The following FMN1 variants were observed in gnomAD, a reference collection of about 807,000 sequenced individuals.
FMN1 encodes formin-1.
In FMN1, 110 loss-of-function variants were observed where a neutral mutation model predicts 132.4. The ratio of observed to expected loss-of-function variants is 0.83; its 90% confidence interval spans 0.71 to 0.97. The LOEUF (loss-of-function observed/expected upper bound fraction) is 0.97, where lower values mean the gene tolerates loss of function less well. Ranked by LOEUF, FMN1 falls within the 50% of genes least tolerant of loss-of-function variation. The pLI is 0.00. For missense variants in FMN1, 1,792 were observed against 1,705.3 expected (o/e 1.05, Z -0.90); for synonymous variants, 722 against 651.7 (o/e 1.11, Z -1.64).
At position 33,037,731 on chromosome 15, in the gene FMN1, T is replaced by C. The variant is rs74798678; in HGVS notation, c.2161+27226A>G. Among the ~76,000 whole-genome samples, 273 of 152,340 alleles carry C rather than the reference T, an allele frequency of 1.8e-3. 2 individuals carry two copies. Among genetic ancestry groups the C allele is most frequent in the African/African-American group, 6.2e-3 (256 of 41,594 alleles). ...ATTCCAGGAATCTACATTTTTAACA[T>C]TGTCACAGGTGATTCGGATACAGTA... On this transcript the variant is annotated intron_variant, in intron 6 of 20. Transcript: ENST00000616417.
At chr15:32,937,747 G>A (rs1170068138) in intron 9 of FMN1, among the ~76,000 whole-genome samples, 2 of 152,208 alleles carry the variant, frequency 1.3e-5, no homozygotes, top group Non-Finnish European at 2.9e-5. Context: ...AAGGGGGCTG[G>A]CCTCTCCTTC....
intron 8 of FMN1, among the ~76,000 whole-genome samples, chr15:32,968,282 A>G (rs771463584): frequency 2.0e-5 from 3 of 152,238 alleles, no homozygotes; most frequent in Non-Finnish European, 1.5e-5. Context: ...TCTGTTAAAT[A>G]TCTAGATTAT....
At position 32,771,338 on chromosome 15, in the gene FMN1, C is replaced by T. The variant is rs1382622835; in HGVS notation, c.*2972G>A. The stretch of plus-strand genomic sequence containing the variant: ...CGTGATCCGCCCCCGCTTGGCCTCC[C>T]AAAGTGCTGGGATTATAGGCATGAG... On this transcript the variant is annotated 3_prime_UTR_variant, in exon 21 of 21. Transcript: ENST00000616417. 5.3e-5 allele frequency: 8 copies of T among 151,556 alleles called. No individual in the cohort carries two copies. Among genetic ancestry groups the T allele is most frequent in the Admixed American group, 3.9e-4 (6 of 15,228 alleles). The allele number at this position is 151,556 out of a possible 1,614,324, so 9.4% of individuals were successfully genotyped here. A position where few individuals can be genotyped will look rare whatever the true frequency, so the allele number is the denominator to read the frequency against.
chr15:33,064,686 T>C (rs2037636611), intron 6 of FMN1: 2 of 244,534 alleles, frequency 8.2e-6, no homozygotes, highest in East Asian at 8.9e-5. Flanking sequence ...GGATTTGCAA[T>C]CTACCTTCTC....
intron 9 of FMN1, among the ~76,000 whole-genome samples, chr15:32,930,373 A>AC (rs751639927): frequency 4.1e-4 from 62 of 151,224 alleles, no homozygotes; most frequent in Non-Finnish European, 8.7e-4. Flanking sequence ...CAAAGGTCCC[A>AC]CTTTGTCTAC....
chr15:33,088,229 T>A (rs537809835), intron 5 of FMN1, among the ~76,000 whole-genome samples: 9 of 151,832 alleles, frequency 5.9e-5, no homozygotes, highest in South Asian at 2.1e-4. Flanking sequence ...TTAAAAAATT[T>A]AAAAAAAACT....
chr15:33,059,749 A>C (rs2037399090), intron 6 of FMN1, among the ~76,000 whole-genome samples: 1 of 152,242 alleles, frequency 6.6e-6, no homozygotes, highest in Admixed American at 6.5e-5. Context: ...GAGTAAGTTA[A>C]ACTAAATGAC....
intron 4 of FMN1, chr15:33,105,712 C>T (rs1465318324): frequency 6.6e-6 from 1 of 151,970 alleles, no homozygotes; most frequent in East Asian, 1.9e-4. Context: ...TCTACTTTTC[C>T]TTTTCTTCAC....
intron 12 of FMN1, among the ~76,000 whole-genome samples, chr15:32,905,488 C>A (rs77835804): frequency 0.064 from 9,750 of 152,230 alleles, 455 homozygotes; most frequent in Middle Eastern, 0.15. Flanking sequence ...CTAATCAAAC[C>A]CAGTAGAGCC....
chr15:33,037,495 G>C (rs938114407), intron 6 of FMN1, among the ~76,000 whole-genome samples: 1 of 152,176 alleles, frequency 6.6e-6, no homozygotes, highest in Admixed American at 6.5e-5. Context: ...GTTGGAGCAG[G>C]CTCATATATG....
intron 10 of FMN1, among the ~76,000 whole-genome samples, chr15:32,916,588 C>T (rs186034277): frequency 9.9e-5 from 15 of 152,252 alleles, no homozygotes; most frequent in African/African-American, 2.4e-4. Context: ...TTTCGGCTGA[C>T]GGTGGTTTTG....
At chr15:33,116,265 T>C (rs1200979169) in intron 4 of FMN1, among the ~76,000 whole-genome samples, 4 of 152,182 alleles carry the variant, frequency 2.6e-5, no homozygotes, top group Non-Finnish European at 5.9e-5. Context: ...TTATACCTGT[T>C]TATAAAACTC....
Position 32,767,537 on chromosome 15 carries a change from A to G in FMN1, c.*6773T>C, listed in dbSNP as rs1385375567. 2.6e-5 allele frequency: 4 copies of G among 152,228 alleles called. No individual in the cohort carries two copies. The highest frequency in any genetic ancestry group is 4.4e-5 in the Non-Finnish European group (3 of 68,038). The allele number at this position is 152,228 out of a possible 1,614,324, so 9.4% of individuals were successfully genotyped here. A position where few individuals can be genotyped will look rare whatever the true frequency, so the allele number is the denominator to read the frequency against. On this transcript the variant is annotated 3_prime_UTR_variant, in exon 21 of 21. Transcript: ENST00000616417. ...TAAATGAAAACTCAATGAAAGAAAA[A>G]GACTATGATAAACCAATGTTTTCTC...
chr15:32,953,987 T>C (rs1045862497), intron 9 of FMN1, among the ~76,000 whole-genome samples: 1 of 152,214 alleles, frequency 6.6e-6, no homozygotes, highest in Non-Finnish European at 1.5e-5. Flanking sequence ...AGATTTTGCA[T>C]CTGGAAAGCA....
chr15:32,959,086 T>A (rs939052777), intron 9 of FMN1, among the ~76,000 whole-genome samples: 1 of 151,242 alleles, frequency 6.6e-6, no homozygotes, highest in African/African-American at 2.4e-5. Flanking sequence ...CACGTTTCAA[T>A]GCTGGCTGAA....
intron 4 of FMN1, among the ~76,000 whole-genome samples, chr15:33,098,179 A>G (rs2039158328): frequency 6.6e-6 from 1 of 152,236 alleles, no homozygotes; most frequent in African/African-American, 2.4e-5. Flanking sequence ...CACAAAGGAA[A>G]TTAGAAAATA....
intron 17 of FMN1, among the ~76,000 whole-genome samples, chr15:32,823,889 C>G (rs1326218933): frequency 1.3e-5 from 2 of 152,200 alleles, no homozygotes. Context: ...TGCGAACTCA[C>G]AAGGTGGAAG....
At chr15:32,795,362 T>A (rs1278174330) in intron 19 of FMN1, among the ~76,000 whole-genome samples, 2 of 152,110 alleles carry the variant, frequency 1.3e-5, no homozygotes, top group Non-Finnish European at 2.9e-5. Context: ...TCCAATATAG[T>A]ACCTATAGCT....
chr15:33,150,347 C>A, intron 4 of FMN1: 1 of 985,446 alleles, frequency 1.0e-6, no homozygotes, highest in South Asian at 4.7e-5. Context: ...TCTCCACCCG[C>A]CAAATAAAAT....
Sources: gnomAD v4.1 joint callset for allele counts (sites outside exome capture counted in the v4.1 genomes callset) on GRCh38, gnomAD v4.1.1 for gene constraint, MANE v1.5 for transcripts, NCBI Gene and HGNC (gene_info 2026-07-23, HGNC 2026-07-21) for gene names.